Variants in PDE4D observed in about 807,000 individuals in gnomAD.
The protein encoded by PDE4D is phosphodiesterase 4D.
PDE4D carries 24 observed loss-of-function variants against 87.4 expected under a neutral mutation model. The ratio of observed to expected loss-of-function variants is 0.27; its 90% CI spans 0.20 to 0.39. The LOEUF is 0.39. PDE4D is among the 10% of genes least tolerant of loss of function. PDE4D has a pLI of 1.00. For missense variants in PDE4D, 714 were observed against 1,041.0 expected (o/e 0.69, Z 4.32); for synonymous variants, 384 against 383.2 (o/e 1.00, Z -0.02).
chr5:59,407,059 T>C (rs556533764), intron 1 of PDE4D, among the ~76,000 whole-genome samples: 87 of 152,340 alleles, frequency 5.7e-4, no homozygotes, highest in African/African-American at 1.9e-3. Flanking sequence ...GGGTTCATTA[T>C]AGGGTGGTGT....
intron 1 of PDE4D, among the ~76,000 whole-genome samples, chr5:59,507,129 C>T (rs1307646457): frequency 2.0e-5 from 3 of 152,052 alleles, no homozygotes; most frequent in Admixed American, 1.3e-4. Context: ...ATGAGGAGTT[C>T]GTGACCAGCC....
upstream of PDE4D, among the ~76,000 whole-genome samples, chr5:59,896,456 A>G (rs1296801390): frequency 6.6e-6 from 1 of 152,136 alleles, no homozygotes; most frequent in African/African-American, 2.4e-5. Context: ...CCAGCACACA[A>G]AGACCCAGGC....
intron 5 of PDE4D, among the ~76,000 whole-genome samples, chr5:59,098,285 G>A (rs370441846): frequency 7.9e-5 from 12 of 152,132 alleles, no homozygotes; most frequent in African/African-American, 2.9e-4. Context: ...ATACTGCAAA[G>A]AGAAAACCTA....
intron 5 of PDE4D, among the ~76,000 whole-genome samples, chr5:59,050,238 G>C (rs180845488): frequency 1.2e-3 from 190 of 152,284 alleles, no homozygotes; most frequent in African/African-American, 4.5e-3. Flanking sequence ...CTGCACTCCA[G>C]CCTGGGCAAT....
intron 5 of PDE4D, chr5:59,180,256 T>G: frequency 2.3e-6 from 1 of 432,614 alleles, no homozygotes. Flanking sequence ...TATTATATCA[T>G]GCTAATAACA....
intron 1 of PDE4D, among the ~76,000 whole-genome samples, chr5:59,585,117 G>C (rs72769727): frequency 6.6e-6 from 1 of 152,124 alleles, no homozygotes; most frequent in African/African-American, 2.4e-5. Flanking sequence ...TAGAGACTGG[G>C]GATAGTAGCT....
chr5:59,586,214 T>C (rs1035185309), intron 1 of PDE4D: 2 of 782,210 alleles, frequency 2.6e-6, no homozygotes, highest in African/African-American at 3.5e-5. Flanking sequence ...CACAGTTTAC[T>C]TTTCATTCTC....
intron 2 of PDE4D, among the ~76,000 whole-genome samples, chr5:60,117,700 G>A (rs536539435): frequency 2.6e-5 from 4 of 151,560 alleles, no homozygotes; most frequent in Admixed American, 6.6e-5. Context: ...ATTCTTTCTG[G>A]TTCCTTTCCT....
At chr5:60,204,398 T>C (rs1444295308) in intron 1 of PDE4D, among the ~76,000 whole-genome samples, 1 of 152,192 alleles carries the variant, frequency 6.6e-6, no homozygotes, top group Non-Finnish European at 1.5e-5. Flanking sequence ...AATAATCCTA[T>C]TTCCAATCGG....
At chr5:59,375,160 C>A (rs2153600029) in intron 1 of PDE4D, among the ~76,000 whole-genome samples, 1 of 152,188 alleles carries the variant, frequency 6.6e-6, no homozygotes, top group Middle Eastern at 3.4e-3. Context: ...CCAAAGCCAG[C>A]AGATGACAAG....
chr5:60,347,850 G>T (rs1583488156), intron 1 of PDE4D, among the ~76,000 whole-genome samples: 3 of 152,130 alleles, frequency 2.0e-5, no homozygotes, highest in Admixed American at 1.3e-4. Context: ...AGCTATCATG[G>T]TGCCAAATTG....
chr5:59,357,379 C>T (rs1403798571), intron 1 of PDE4D, among the ~76,000 whole-genome samples: 2 of 152,168 alleles, frequency 1.3e-5, no homozygotes, highest in Admixed American at 6.5e-5. Flanking sequence ...TATAATTTTC[C>T]TTATTTCAAC....
intron 1 of PDE4D, among the ~76,000 whole-genome samples, chr5:59,543,308 G>T (rs899394206): frequency 6.6e-6 from 1 of 152,172 alleles, no homozygotes; most frequent in Non-Finnish European, 1.5e-5. Flanking sequence ...TGAGGTTCAT[G>T]ATAATTATTA....
At chr5:60,274,682 C>T (rs941709159) in intron 1 of PDE4D, among the ~76,000 whole-genome samples, 3 of 152,140 alleles carry the variant, frequency 2.0e-5, no homozygotes, top group African/African-American at 7.2e-5. Context: ...TTAAAGAGAA[C>T]AAGAAGTATG....
chr5:60,476,538 T>C (rs1748339581), intron 1 of PDE4D, among the ~76,000 whole-genome samples: 1 of 152,194 alleles, frequency 6.6e-6, no homozygotes, highest in Non-Finnish European at 1.5e-5. Flanking sequence ...CACCAATGGA[T>C]TGCCATGGCA....
chr5:60,151,592 TTGA>T (rs1781508030), intron 2 of PDE4D, among the ~76,000 whole-genome samples: 1 of 152,218 alleles, frequency 6.6e-6, no homozygotes, highest in Non-Finnish European at 1.5e-5. Context: ...GTTTAACATG[TTGA>T]TTTCATATTC....
chr5:59,276,077 C>T (rs938001413), intron 1 of PDE4D: 16 of 968,662 alleles, frequency 1.7e-5, no homozygotes, highest in Non-Finnish European at 1.9e-5. Context: ...GGCTGTATGA[C>T]GTCTGTAAGA....
At chr5:59,262,559 A>C (rs1346942056) in intron 1 of PDE4D, among the ~76,000 whole-genome samples, 1 of 151,810 alleles carries the variant, frequency 6.6e-6, no homozygotes, top group Non-Finnish European at 1.5e-5. Context: ...AGCCAACCCT[A>C]AGTTGTTCCC....
At chr5:59,790,820 G>A (rs375778747) in intron 1 of PDE4D, among the ~76,000 whole-genome samples, 3 of 152,268 alleles carry the variant, frequency 2.0e-5, no homozygotes, top group East Asian at 1.9e-4. Flanking sequence ...TATAGATCAC[G>A]AAAAACTTCC....
Sources: allele counts gnomAD v4.1 joint callset (sites outside exome capture counted in the v4.1 genomes callset), GRCh38; gene constraint gnomAD v4.1.1; transcripts MANE v1.5; gene names NCBI Gene and HGNC (gene_info 2026-07-23, HGNC 2026-07-21).